TMEM163: variants seen among roughly 807,000 people sequenced by gnomAD.
TMEM163 encodes transmembrane protein 163.
A neutral mutation model predicts 29.3 loss-of-function variants in TMEM163; 17 were observed. The observed-to-expected ratio is 0.58, with a 90% CI of 0.40 to 0.87. The LOEUF is 0.87. Ranked by LOEUF, TMEM163 falls within the 40% of genes least tolerant of loss-of-function variation. The probability of loss-of-function intolerance (pLI) is 0.00; values close to 1 mark genes in which losing one functional copy is unlikely to be tolerated. For missense variants in TMEM163, 303 were observed against 381.5 expected (o/e 0.79, Z 1.71); for synonymous variants, 157 against 160.6 (o/e 0.98, Z 0.17).
intron 2 of TMEM163, among the ~76,000 whole-genome samples, chr2:134,609,997 G>A (rs1682462689): frequency 6.6e-6 from 1 of 152,210 alleles, no homozygotes; most frequent in Admixed American, 6.5e-5. Context: ...GAAAATCAAA[G>A]CTGCTGGGTG....
rs142709173 is a variant in TMEM163, at chr2:134,684,410, G to C, written c.322+28790C>G. Among the ~76,000 whole-genome samples, 336 of 152,224 alleles carry C rather than the reference G, an allele frequency of 2.2e-3. 2 individuals carry two copies. Among genetic ancestry groups the C allele is most frequent in the African/African-American group, 7.3e-3 (304 of 41,528 alleles). On this transcript the variant is annotated intron_variant, in intron 2 of 7. Transcript: ENST00000281924. ...GGATGGTAATTATTAATAATTCTGC[G>C]AGCATGAGTGAAGGCTCAGGTGGTG...
At chr2:134,595,956 T>A (rs539556745) in intron 2 of TMEM163, among the ~76,000 whole-genome samples, 1 of 152,202 alleles carries the variant, frequency 6.6e-6, no homozygotes, top group Non-Finnish European at 1.5e-5. Context: ...CACTTGTTGA[T>A]GGGGTTGTTT....
chr2:134,615,656 T>C (rs978115791), intron 2 of TMEM163, among the ~76,000 whole-genome samples: 1 of 144,004 alleles, frequency 6.9e-6, no homozygotes, highest in Non-Finnish European at 1.5e-5. Context: ...CAGAGCTTTT[T>C]TTTTTTTTTT....
chr2:134,507,843 A>G (rs954822141), intron 4 of TMEM163, among the ~76,000 whole-genome samples: 55 of 152,108 alleles, frequency 3.6e-4, no homozygotes, highest in African/African-American at 1.3e-3. Context: ...GGTGATGGAG[A>G]GAGACCCTGT....
intron 7 of TMEM163, among the ~76,000 whole-genome samples, chr2:134,457,400 G>A (rs919522868): frequency 2.0e-5 from 3 of 152,172 alleles, no homozygotes; most frequent in South Asian, 2.1e-4. Context: ...CTTTCGCCAC[G>A]TCCTCACTGA....
At chr2:134,709,994 A>C (rs1684893628) in intron 2 of TMEM163, among the ~76,000 whole-genome samples, 1 of 152,236 alleles carries the variant, frequency 6.6e-6, no homozygotes, top group South Asian at 2.1e-4. Context: ...ATTGCCAATC[A>C]GAACATTTTT....
chr2:134,712,843 A>G (rs1297922888), intron 2 of TMEM163, among the ~76,000 whole-genome samples: 4 of 152,208 alleles, frequency 2.6e-5, no homozygotes, highest in African/African-American at 9.7e-5. Flanking sequence ...ATCTTCTTGC[A>G]TTAGGCTGAA....
chr2:134,492,066 G>A (rs1214369412), intron 5 of TMEM163, among the ~76,000 whole-genome samples: 1 of 152,190 alleles, frequency 6.6e-6, no homozygotes, highest in Non-Finnish European at 1.5e-5. Flanking sequence ...GTTCAGCAAA[G>A]GCTCCTCTTG....
intron 2 of TMEM163, among the ~76,000 whole-genome samples, chr2:134,673,188 T>TA (rs2104868269): frequency 6.6e-6 from 1 of 152,230 alleles, no homozygotes; most frequent in South Asian, 2.1e-4. Flanking sequence ...AGCCTTCTAC[T>TA]AACCCCAGGA....
chr2:134,505,764 A>C (rs1679809655), intron 4 of TMEM163, among the ~76,000 whole-genome samples: 1 of 152,172 alleles, frequency 6.6e-6, no homozygotes, highest in Non-Finnish European at 1.5e-5. Context: ...ATCACGCACA[A>C]AAGGCGGATA....
chr2:134,544,687 C>T (rs1329695971), intron 4 of TMEM163, among the ~76,000 whole-genome samples: 2 of 152,016 alleles, frequency 1.3e-5, no homozygotes, highest in East Asian at 1.9e-4. Context: ...CCCAGCTGCT[C>T]GGGAGGCTGA....
chr2:134,535,459 T>C (rs1210717370), intron 4 of TMEM163, among the ~76,000 whole-genome samples: 2 of 152,176 alleles, frequency 1.3e-5, no homozygotes, highest in Non-Finnish European at 2.9e-5. Flanking sequence ...CCTGGAGCAA[T>C]CTTCCTGTCC....
intron 4 of TMEM163, among the ~76,000 whole-genome samples, chr2:134,525,923 G>A (rs575906064): frequency 3.3e-5 from 5 of 152,314 alleles, no homozygotes; most frequent in East Asian, 3.9e-4. Context: ...CAAGGAGAAC[G>A]GTTTGCAAAT....
chr2:134,599,571 A>G (rs190391820), intron 2 of TMEM163, among the ~76,000 whole-genome samples: 2 of 152,256 alleles, frequency 1.3e-5, no homozygotes, highest in East Asian at 3.9e-4. Context: ...ACTATGAGAA[A>G]CAAAGTTCTG....
chr2:134,561,331 G>T (rs144133550), intron 2 of TMEM163, among the ~76,000 whole-genome samples: 305 of 152,272 alleles, frequency 2.0e-3, no homozygotes, highest in African/African-American at 6.8e-3. Context: ...AGCCTCCCGA[G>T]TAGCTGGGAC....
intron 4 of TMEM163, among the ~76,000 whole-genome samples, chr2:134,543,448 G>A (rs558216517): frequency 2.6e-4 from 39 of 152,310 alleles, no homozygotes; most frequent in Admixed American, 1.8e-3. Flanking sequence ...CTAGACAAGT[G>A]TGGAATAAAT....
chr2:134,571,954 G>A (rs1681441013), intron 2 of TMEM163, among the ~76,000 whole-genome samples: 1 of 152,148 alleles, frequency 6.6e-6, no homozygotes, highest in South Asian at 2.1e-4. Flanking sequence ...TGGGCACACT[G>A]AGCCATACTT....
chr2:134,571,858 T>TA (rs1184697792), intron 2 of TMEM163, among the ~76,000 whole-genome samples: 1 of 152,164 alleles, frequency 6.6e-6, no homozygotes, highest in Non-Finnish European at 1.5e-5. Context: ...GCATAGGTCA[T>TA]ATACTGCCTG....
intron 2 of TMEM163, among the ~76,000 whole-genome samples, chr2:134,712,745 T>C (rs1684952392): frequency 6.6e-6 from 1 of 152,198 alleles, no homozygotes; most frequent in South Asian, 2.1e-4. Context: ...CCCATTTTCC[T>C]TTCACTAAAG....
Sources: gnomAD v4.1 joint callset for allele counts (sites outside exome capture counted in the v4.1 genomes callset) on GRCh38, gnomAD v4.1.1 for gene constraint, MANE v1.5 for transcripts, NCBI Gene and HGNC (gene_info 2026-07-23, HGNC 2026-07-21) for gene names.